CADPS2: variants seen among roughly 807,000 people sequenced by gnomAD.
CADPS2 encodes calcium dependent secretion activator 2, also known as calcium-dependent secretion activator 2.
Under a neutral mutation model 172.5 loss-of-function variants are expected in CADPS2, and 93 were observed. The ratio of observed to expected loss-of-function variants is 0.54; its 90% CI spans 0.46 to 0.64. The LOEUF (loss-of-function observed/expected upper bound fraction) is 0.64, where lower values mean the gene tolerates loss of function less well. Ranked by LOEUF, CADPS2 falls within the 30% of genes least tolerant of loss-of-function variation. The pLI is 0.00. For missense variants in CADPS2, 1,420 were observed against 1,565.9 expected (o/e 0.91, Z 1.57); for synonymous variants, 546 against 555.2 (o/e 0.98, Z 0.23).
At chr7:122,487,977 T>C (rs758804710) in intron 11 of CADPS2, among the ~76,000 whole-genome samples, 2 of 152,144 alleles carry the variant, frequency 1.3e-5, no homozygotes, top group African/African-American at 4.8e-5. Flanking sequence ...ATTTATGAGA[T>C]TGACGCTAAA....
chr7:122,815,795 A>T (rs964188782), intron 1 of CADPS2, among the ~76,000 whole-genome samples: 1 of 152,154 alleles, frequency 6.6e-6, no homozygotes, highest in Non-Finnish European at 1.5e-5. Context: ...CTCCAACTGA[A>T]ATCATTTTGC....
chr7:122,630,570 G>C (rs1391006513), intron 3 of CADPS2, among the ~76,000 whole-genome samples: 1 of 152,108 alleles, frequency 6.6e-6, no homozygotes, highest in East Asian at 1.9e-4. Flanking sequence ...GGAATTTGGA[G>C]TTAGTTCCTA....
intron 1 of CADPS2, among the ~76,000 whole-genome samples, chr7:122,835,070 C>A (rs966124778): frequency 2.0e-5 from 3 of 152,178 alleles, no homozygotes; most frequent in Admixed American, 2.0e-4. Context: ...TGTTTGGGTA[C>A]CCCTCTGAGA....
intron 11 of CADPS2, among the ~76,000 whole-genome samples, chr7:122,485,805 A>G (rs1289307312): frequency 6.6e-6 from 1 of 152,218 alleles, no homozygotes; most frequent in Non-Finnish European, 1.5e-5. Flanking sequence ...TCAAAGCTTC[A>G]GAGTACAGGC....
At chr7:122,472,273 A>G (rs1011568964) in intron 13 of CADPS2, among the ~76,000 whole-genome samples, 3 of 149,732 alleles carry the variant, frequency 2.0e-5, no homozygotes, top group African/African-American at 7.3e-5. Flanking sequence ...GGGAGTATAG[A>G]GAGTTTTAAA....
intron 20 of CADPS2, among the ~76,000 whole-genome samples, chr7:122,403,520 T>C (rs1246760613): frequency 6.6e-6 from 1 of 152,192 alleles, no homozygotes; most frequent in African/African-American, 2.4e-5. Context: ...CAAGATGATA[T>C]GTAGTCAATG....
chr7:122,667,650 C>A (rs145212687), intron 2 of CADPS2, among the ~76,000 whole-genome samples: 1 of 152,150 alleles, frequency 6.6e-6, no homozygotes, highest in Non-Finnish European at 1.5e-5. Flanking sequence ...AATGGAAACC[C>A]ACACAGAGGG....
At chr7:122,676,544 T>C (rs1209435141) in intron 2 of CADPS2, 1 of 586,736 alleles carries the variant, frequency 1.7e-6, no homozygotes, top group East Asian at 3.1e-5. Context: ...CAAGCAGCAG[T>C]TGGAGAAGGA....
chr7:122,425,516 C>T (rs748398222), intron 17 of CADPS2, among the ~76,000 whole-genome samples: 5 of 150,350 alleles, frequency 3.3e-5, no homozygotes, highest in African/African-American at 4.9e-5. Context: ...GGTGGAGGAT[C>T]GTTTGAGCCC....
At chr7:122,595,125 T>C (rs2071546556) in intron 6 of CADPS2, among the ~76,000 whole-genome samples, 1 of 151,850 alleles carries the variant, frequency 6.6e-6, no homozygotes, top group African/African-American at 2.4e-5. Context: ...TGCTCCCATT[T>C]TGTGGGACTA....
intron 2 of CADPS2, among the ~76,000 whole-genome samples, chr7:122,676,307 T>C (rs1192647628): frequency 6.6e-6 from 1 of 152,236 alleles, no homozygotes; most frequent in Non-Finnish European, 1.5e-5. Flanking sequence ...ATTTTATTAA[T>C]GGCACCTTAA....
chr7:122,790,733 G>A (rs1486512401), intron 1 of CADPS2, among the ~76,000 whole-genome samples: 2 of 152,116 alleles, frequency 1.3e-5, no homozygotes, highest in Non-Finnish European at 2.9e-5. Context: ...ATCCAGGTCT[G>A]AAATTTGTTT....
rs949559108 is a variant in CADPS2 at position 122,573,521 on chromosome 7, G to A, written c.1335+7658C>T. 1.4e-4 allele frequency among the ~76,000 whole-genome samples: 21 copies of A among 152,086 alleles called. No homozygotes were observed. The South Asian group carries it at 1.5e-3, about 11-fold the overall frequency. ...CCGGCCTGGGCAACAGAGTGAGACC[G>A]TCAAAAACAAAACATAACAAAAACA... On this transcript the variant is annotated intron_variant, in intron 7 of 29. Coordinates refer to ENST00000449022, the MANE Select transcript of CADPS2 (RefSeq NM_017954.11).
intron 2 of CADPS2, among the ~76,000 whole-genome samples, chr7:122,688,172 T>TG (rs1278189941): frequency 6.6e-6 from 1 of 152,216 alleles, no homozygotes; most frequent in Admixed American, 6.5e-5. Flanking sequence ...TCTGTATCCA[T>TG]GGTGTGTTGG....
chr7:122,870,535 T>A (rs1469804007), intron 1 of CADPS2, among the ~76,000 whole-genome samples: 1 of 152,020 alleles, frequency 6.6e-6, no homozygotes, highest in East Asian at 1.9e-4. Context: ...ACTGGAAGAA[T>A]AAATTTTAGT....
At chr7:122,833,935 A>AAT (rs1241335215) in intron 1 of CADPS2, among the ~76,000 whole-genome samples, 15 of 152,190 alleles carry the variant, frequency 9.9e-5, no homozygotes, top group Non-Finnish European at 1.9e-4. Context: ...GAATTCAAAA[A>AAT]ATATATATCA....
intron 1 of CADPS2, among the ~76,000 whole-genome samples, chr7:122,809,000 G>A (rs1328730112): frequency 3.9e-5 from 6 of 152,064 alleles, no homozygotes; most frequent in South Asian, 2.1e-4. Context: ...AACAGGAGGG[G>A]ACACTTACAG....
chr7:122,457,728 C>T (rs2053959637), intron 14 of CADPS2, among the ~76,000 whole-genome samples: 1 of 152,166 alleles, frequency 6.6e-6, no homozygotes, highest in African/African-American at 2.4e-5. Flanking sequence ...ACTATACCAT[C>T]TTCTAGAGTT....
At chr7:122,847,387 G>A (rs192234862) in intron 1 of CADPS2, among the ~76,000 whole-genome samples, 115 of 152,148 alleles carry the variant, frequency 7.6e-4, no homozygotes, top group Non-Finnish European at 1.1e-3. Context: ...GTGCCCAGCC[G>A]GTATTCATCT....
Sources: gnomAD v4.1 joint callset for allele counts (sites outside exome capture counted in the v4.1 genomes callset) on GRCh38, gnomAD v4.1.1 for gene constraint, MANE v1.5 for transcripts, NCBI Gene and HGNC (gene_info 2026-07-23, HGNC 2026-07-21) for gene names.